The following WBP2NL variants were observed in gnomAD, a reference collection of about 807,000 sequenced individuals.
The protein encoded by WBP2NL is WBP2 N-terminal like, also known as postacrosomal sheath WW domain-binding protein.
Under a neutral mutation model 23.3 loss-of-function variants are expected in WBP2NL, and 27 were observed. The observed-to-expected ratio is 1.16, with a 90% CI of 0.85 to 1.60. The LOEUF (loss-of-function observed/expected upper bound fraction) is 1.60. WBP2NL is among the 40% of genes most tolerant of loss of function. The pLI is 0.00. For missense variants in WBP2NL, 370 were observed against 389.5 expected, an observed-to-expected ratio of 0.95 and a Z score of 0.42; for synonymous variants, 151 against 145.9, an observed-to-expected ratio of 1.03 and a Z score of -0.25.
downstream of WBP2NL, chr22:42,029,923 G>C (rs943089083): frequency 3.3e-5 from 5 of 152,146 alleles, no homozygotes; most frequent in African/African-American, 1.2e-4. Context: ...AGTTTTAAAT[G>C]CTTTCCTTAA....
intron 1 of WBP2NL, chr22:42,001,926 G>T: frequency 7.0e-7 from 1 of 1,432,954 alleles, no homozygotes; most frequent in East Asian, 2.4e-5. Context: ...CACTCCACCT[G>T]CCAGGGAGTC....
intron 1 of WBP2NL, among the ~76,000 whole-genome samples, chr22:42,007,528 A>G (rs1427753399): frequency 6.6e-6 from 1 of 152,172 alleles, no homozygotes; most frequent in African/African-American, 2.4e-5. Context: ...ACTTTTCCCA[A>G]CAATTCTGTT....
Position 42,022,358 on chromosome 22 carries a change from T to A in WBP2NL, c.514+2T>A. ...GCACTCCACAGATGCCTTGTTCAGGTAAGGTATGGCAGAGAGGTTCTTCCT... is the reference window on the plus strand; with the variant it reads ...GCACTCCACAGATGCCTTGTTCAGGAAAGGTATGGCAGAGAGGTTCTTCCT... On this transcript the variant is annotated splice_donor_variant, in intron 5 of 5. Coordinates refer to ENST00000328823, the MANE Select transcript of WBP2NL (RefSeq NM_152613.3). LOFTEE classifies it high-confidence loss of function. The A allele has an allele frequency of 6.2e-7, 1 of 1,609,370 alleles. No individual in the cohort carries two copies. Among genetic ancestry groups the A allele is most frequent in the Non-Finnish European group, 8.5e-7 (1 of 1,177,538 alleles).
At chr22:42,050,107 C>A (rs1925782810) in intron 8 of WBP2NL, among the ~76,000 whole-genome samples, 1 of 151,984 alleles carries the variant, frequency 6.6e-6, no homozygotes, top group African/African-American at 2.4e-5. Flanking sequence ...TTGCTTGAGG[C>A]CAGTTTAAGA....
chr22:42,036,207 C>G (rs1161500236), downstream of WBP2NL, among the ~76,000 whole-genome samples: 1 of 152,010 alleles, frequency 6.6e-6, no homozygotes, highest in African/African-American at 2.4e-5. Flanking sequence ...CCAAGTCTCG[C>G]TCTGTCGCCC....
chr22:42,008,812 T>C (rs1262538724), intron 1 of WBP2NL, among the ~76,000 whole-genome samples: 1 of 147,848 alleles, frequency 6.8e-6, no homozygotes, highest in African/African-American at 2.5e-5. Context: ...GGAGTCTCGC[T>C]CTGTTGCCCA....
chr22:42,013,171 G>A (rs1401715542), intron 1 of WBP2NL, among the ~76,000 whole-genome samples: 1 of 151,826 alleles, frequency 6.6e-6, no homozygotes, highest in Non-Finnish European at 1.5e-5. Flanking sequence ...CCGGGAGTTC[G>A]AGACCAGCCT....
intron 5 of WBP2NL, among the ~76,000 whole-genome samples, chr22:42,023,773 G>T (rs566468800): frequency 2.6e-5 from 4 of 152,040 alleles, no homozygotes; most frequent in Non-Finnish European, 5.9e-5. Flanking sequence ...GGGATTACAG[G>T]CTTGAGCCAC....
intron 8 of WBP2NL, among the ~76,000 whole-genome samples, chr22:42,050,412 G>A (rs773997947): frequency 5.3e-5 from 8 of 152,110 alleles, no homozygotes; most frequent in South Asian, 2.1e-4. Context: ...TTGGGAAGCC[G>A]AGGCAGGCGG....
chr22:42,032,431 T>G (rs1925007581), downstream of WBP2NL: 1 of 189,856 alleles, frequency 5.3e-6, no homozygotes, highest in Non-Finnish European at 1.1e-5. Flanking sequence ...CTGCATCACC[T>G]CTATCTCTTA....
chr22:42,009,352 G>A (rs752402056), intron 1 of WBP2NL, among the ~76,000 whole-genome samples: 2 of 151,998 alleles, frequency 1.3e-5, no homozygotes, highest in Admixed American at 6.6e-5. Context: ...TTTTGTTGCC[G>A]GTGCTTTTGT....
At chr22:42,044,784 G>A (rs1339950942) in intron 8 of WBP2NL, among the ~76,000 whole-genome samples, 1 of 152,158 alleles carries the variant, frequency 6.6e-6, no homozygotes, top group Non-Finnish European at 1.5e-5. Context: ...CAGCATGGGT[G>A]ACAGAGACTG....
intron 8 of WBP2NL, among the ~76,000 whole-genome samples, chr22:42,049,869 G>C: frequency 6.7e-6 from 1 of 149,904 alleles, no homozygotes. Flanking sequence ...CCCAGCTACT[G>C]GGGAGGCTGA....
intron 4 of WBP2NL, among the ~76,000 whole-genome samples, chr22:42,020,713 C>G (rs1275084031): frequency 1.3e-5 from 2 of 150,680 alleles, no homozygotes; most frequent in South Asian, 2.1e-4. Context: ...TCTGGACTTG[C>G]CTTTGCTTTT....
At chr22:42,001,094 T>C (rs1921618631) in intron 1 of WBP2NL, 1 of 1,039,140 alleles carries the variant, frequency 9.6e-7, no homozygotes, top group Non-Finnish European at 1.5e-6. Context: ...GGTTTCATCA[T>C]ACAAGACAAG....
At position 42,027,468 on chromosome 22, in the gene WBP2NL, C is replaced by G. The variant is rs1924618964; in HGVS notation, c.*287C>G. The G allele has an allele frequency of 2.6e-6, 1 of 382,890 alleles. No homozygotes were observed. Among genetic ancestry groups the G allele is most frequent in the Non-Finnish European group, 4.6e-6 (1 of 215,530 alleles). The allele number at this position is 382,890 out of a possible 1,614,324, so 23.7% of individuals were successfully genotyped here. A position where few individuals can be genotyped will look rare whatever the true frequency, so the allele number is the denominator to read the frequency against. On this transcript the variant is annotated 3_prime_UTR_variant, in exon 6 of 6. Coordinates refer to ENST00000328823, the MANE Select transcript of WBP2NL (RefSeq NM_152613.3). Reference sequence around the variant, plus strand: ...GTTGCATTTTTAAACATAACTTTTTCCACACTCGCATTCAAGGTTCCTGTC... The same window carrying G: ...GTTGCATTTTTAAACATAACTTTTTGCACACTCGCATTCAAGGTTCCTGTC...
At chr22:42,037,146 G>A (rs1456157652), downstream of WBP2NL, among the ~76,000 whole-genome samples, 1 of 151,834 alleles carries the variant, frequency 6.6e-6, no homozygotes, top group African/African-American at 2.4e-5. Context: ...GTGTGTGTGT[G>A]TGTGTGTGTG....
intron 8 of WBP2NL, among the ~76,000 whole-genome samples, chr22:42,056,880 T>G (rs183677582): frequency 6.6e-6 from 1 of 152,188 alleles, no homozygotes; most frequent in East Asian, 1.9e-4. Context: ...TATTTTTAAA[T>G]GTACCCATTG....
intron 1 of WBP2NL, among the ~76,000 whole-genome samples, chr22:42,002,307 G>T (rs191928527): frequency 6.6e-6 from 1 of 152,272 alleles, no homozygotes; most frequent in African/African-American, 2.4e-5. Context: ...TACCAGCCAG[G>T]CGTGGTGGCT....
Sources: gnomAD v4.1 joint callset for allele counts (sites outside exome capture counted in the v4.1 genomes callset) on GRCh38, gnomAD v4.1.1 for gene constraint, MANE v1.5 for transcripts, NCBI Gene and HGNC (gene_info 2026-07-23, HGNC 2026-07-21) for gene names.